Variants in GRAP2 observed in about 807,000 individuals in gnomAD.
GRAP2 encodes the protein GRB2 related adaptor protein 2.
In GRAP2, 31 loss-of-function variants were observed where a neutral mutation model predicts 43.5. The ratio of observed to expected loss-of-function variants is 0.71; its 90% CI spans 0.54 to 0.96. The LOEUF is 0.96. Among genes scored for constraint, GRAP2 ranks in the 40% least tolerant of loss-of-function variants. The pLI, the probability that GRAP2 is intolerant of heterozygous loss-of-function variation, is 0.00. For synonymous variants in GRAP2, 156 were observed against 164.8 expected, an observed-to-expected ratio of 0.95 and a Z score of 0.41; for missense variants, 371 against 424.4, an observed-to-expected ratio of 0.87 and a Z score of 1.11.
At chr22:39,937,184 C>A (rs997872335) in intron 1 of GRAP2, among the ~76,000 whole-genome samples, 3 of 152,130 alleles carry the variant, frequency 2.0e-5, no homozygotes, top group Non-Finnish European at 4.4e-5. Context: ...ACCTGATAGA[C>A]CATATCAATC....
At chr22:39,954,621 CTGGCCTCAAGTGATCTA>C (rs2067026870) in intron 2 of GRAP2, among the ~76,000 whole-genome samples, 2 of 152,184 alleles carry the variant, frequency 1.3e-5, no homozygotes, top group African/African-American at 2.4e-5. Context: ...TCTCGAACTC[CTGGCCTCAAGTGATCTA>C]TGTGCCTTGG....
intron 1 of GRAP2, among the ~76,000 whole-genome samples, chr22:39,903,303 C>T (rs1419678248): frequency 6.6e-6 from 1 of 152,020 alleles, no homozygotes; most frequent in Non-Finnish European, 1.5e-5. Flanking sequence ...TCGCTAGGTC[C>T]CCATTTTGTC....
chr22:39,948,996 A>G (rs2066953666), intron 2 of GRAP2, among the ~76,000 whole-genome samples: 1 of 152,068 alleles, frequency 6.6e-6, no homozygotes, highest in Admixed American at 6.5e-5. Context: ...AGCTGCAACT[A>G]TCACCTCTGT....
intron 3 of GRAP2, among the ~76,000 whole-genome samples, chr22:39,956,262 A>T (rs2067049694): frequency 6.7e-6 from 1 of 149,572 alleles, no homozygotes; most frequent in Non-Finnish European, 1.5e-5. Context: ...GGCTCAAGCC[A>T]TCCTCTCACC....
At chr22:39,970,495 G>C (rs1414164083) in intron 7 of GRAP2, among the ~76,000 whole-genome samples, 1 of 152,208 alleles carries the variant, frequency 6.6e-6, no homozygotes, top group Non-Finnish European at 1.5e-5. Flanking sequence ...GATGTGGAGA[G>C]AGTGGTTCTC....
chr22:39,962,113 C>T (rs939224147), intron 4 of GRAP2, among the ~76,000 whole-genome samples: 21 of 152,274 alleles, frequency 1.4e-4, no homozygotes, highest in African/African-American at 3.9e-4. Flanking sequence ...AATGAAATTT[C>T]GCTCCATTAA....
rs1305153200 is a variant in GRAP2, at chr22:39,966,053, G to A, written c.354G>A (p.Trp118Ter). The A allele has an allele frequency of 1.2e-6, 2 of 1,613,752 alleles. No individual in the cohort carries two copies. Among genetic ancestry groups the A allele is most frequent in the Middle Eastern group, 1.6e-4 (1 of 6,062 alleles). The change falls in exon 5 of 8, where the codon TGG becomes TGA. Residue 118 changes from tryptophan (W) to a stop codon, truncating the protein, a stop_gained. Coordinates refer to ENST00000344138, the MANE Select transcript of GRAP2 (RefSeq NM_004810.4). LOFTEE classifies it high-confidence loss of function. ...MRDNKGNYFL[W>*]TEKFPSLNKL... ...ACAACAAGGGTAATTACTTTCTGTG[G>A]ACTGAGAAGTTTCCATCCCTAAATA...
intron 2 of GRAP2, among the ~76,000 whole-genome samples, chr22:39,951,858 A>G (rs2066986604): frequency 6.6e-6 from 1 of 151,980 alleles, no homozygotes; most frequent in Non-Finnish European, 1.5e-5. Flanking sequence ...CTGCAAATTC[A>G]CCTCTCTAGA....
chr22:39,895,467 G>A, the GRAP2 span, among the ~76,000 whole-genome samples: 5 of 152,148 alleles, frequency 3.3e-5, no homozygotes, highest in African/African-American at 1.2e-4. Context: ...AGGTGACCTG[G>A]AAAACATTGT....
intron 1 of GRAP2, among the ~76,000 whole-genome samples, chr22:39,920,205 C>T (rs767846006): frequency 5.3e-5 from 8 of 152,188 alleles, no homozygotes; most frequent in African/African-American, 1.9e-4. Flanking sequence ...CATCTGCCTC[C>T]GCTCCTTTGG....
chr22:39,964,715 T>TAAAAAA (rs386395435), intron 4 of GRAP2: 35 of 308,546 alleles, frequency 1.1e-4, no homozygotes, highest in South Asian at 4.7e-4. Flanking sequence ...TAAACTTTTG[T>TAAAAAA]AAAAAAAAAA....
chr22:39,932,859 T>A (rs1264634471), intron 1 of GRAP2, among the ~76,000 whole-genome samples: 1 of 152,158 alleles, frequency 6.6e-6, no homozygotes, highest in African/African-American at 2.4e-5. Context: ...ACTATTATCA[T>A]CCCTGTTTTT....
chr22:39,922,914 C>T lies in GRAP2; in HGVS notation c.-15+21584C>T, dbSNP rs1187132768. Among the ~76,000 whole-genome samples the T allele has an allele frequency of 5.9e-5, 9 of 152,178 alleles. 1 individual carries two copies. In the East Asian group the frequency reaches 1.2e-3, roughly 20 times the overall value. On this transcript the variant is annotated intron_variant, in intron 1 of 7. Transcript: ENST00000344138. ...AAAATTAGCTGGGCATGGCGGCATG[C>T]GCCTGTAGTCCCAGCTATTCGGGAG...
intron 1 of GRAP2, among the ~76,000 whole-genome samples, chr22:39,906,024 AGAAACCTT>A (rs2066520560): frequency 6.6e-6 from 1 of 152,226 alleles, no homozygotes; most frequent in Non-Finnish European, 1.5e-5. Flanking sequence ...GCTCTGTACA[AGAAACCTT>A]GAACATAAAA....
chr22:39,905,132 C>T (rs912505606), intron 1 of GRAP2, among the ~76,000 whole-genome samples: 5 of 152,074 alleles, frequency 3.3e-5, no homozygotes, highest in South Asian at 2.1e-4. Context: ...TTGCAATTAG[C>T]GAGTACTCTC....
At position 39,970,979 on chromosome 22, in the gene GRAP2, G is replaced by A; in HGVS notation, c.888G>A (p.Glu296=). ...ACGAGCTGGGGTTCCACAGCGGGGAGGTGGTGGAGGTCCTGGATAGCTCCA... is the reference window on the plus strand; with the variant it reads ...ACGAGCTGGGGTTCCACAGCGGGGAAGTGGTGGAGGTCCTGGATAGCTCCA... The part of the protein sequence containing the change: ...EDDELGFHSG[E]VVEVLDSSNP... The change falls in exon 8 of 8, where the codon GAG becomes GAA. Residue 296 remains glutamate, a synonymous_variant. Transcript: ENST00000344138. 3 of 1,613,700 alleles carry A rather than the reference G, an allele frequency of 1.9e-6. No homozygotes were observed. The highest frequency in any genetic ancestry group is 2.5e-6 in the Non-Finnish European group (3 of 1,179,800).
chr22:39,923,790 A>C (rs547911960), intron 1 of GRAP2, among the ~76,000 whole-genome samples: 20 of 152,354 alleles, frequency 1.3e-4, no homozygotes, highest in African/African-American at 4.8e-4. Flanking sequence ...TTCTCCCTGC[A>C]GCTCTACTTC....
chr22:39,914,517 T>G (rs1290307906), intron 1 of GRAP2, among the ~76,000 whole-genome samples: 2 of 152,246 alleles, frequency 1.3e-5, no homozygotes, highest in Admixed American at 1.3e-4. Flanking sequence ...AACAAAGTTC[T>G]TTTCCATGGA....
Position 39,968,458 on chromosome 22 carries a change from A to AAC in GRAP2, c.690+207_690+208dup, listed in dbSNP as rs138010. The stretch of plus-strand genomic sequence containing the variant: ...CTATGAATTAAATGGCTCCCACCTG[A>AAC]ACACACACACACACACACACACTGT... On this transcript the variant is annotated intron_variant, in intron 6 of 7. Transcript: ENST00000344138. 2,869 of 523,704 alleles carry AAC rather than the reference A, an allele frequency of 5.5e-3. 14 individuals are homozygous for AAC. Among genetic ancestry groups the AAC allele is most frequent in the African/African-American group, 0.023 (1,172 of 51,100 alleles). The allele number at this position is 523,704 out of a possible 1,614,324, so 32.4% of individuals were successfully genotyped here. A position where few individuals can be genotyped will look rare whatever the true frequency, so the allele number is the denominator to read the frequency against.
Sources: gnomAD v4.1 joint callset for allele counts (sites outside exome capture counted in the v4.1 genomes callset) on GRCh38, gnomAD v4.1.1 for gene constraint, MANE v1.5 for transcripts, NCBI Gene and HGNC (gene_info 2026-07-23, HGNC 2026-07-21) for gene names.